UNC93A: variants seen among roughly 807,000 people sequenced by gnomAD.
UNC93A encodes the protein N-acetylglucosamine transporter UNC93A.
A neutral mutation model predicts 47.5 loss-of-function variants in UNC93A; 43 were observed. The observed-to-expected ratio is 0.91, with a 90% CI of 0.71 to 1.17. The LOEUF is 1.17. Among genes scored for constraint, UNC93A ranks in the 50% most tolerant of loss-of-function variants. The pLI is 0.00. For synonymous variants in UNC93A, 280 were observed against 258.0 expected, an observed-to-expected ratio of 1.09 and a Z score of -0.82; for missense variants, 605 against 577.6, an observed-to-expected ratio of 1.05 and a Z score of -0.49.
In UNC93A at chr6:167,315,929, CA is replaced by C. The variant is rs1468166898; in HGVS notation, c.*478del. The C allele has an allele frequency of 3.2e-5, 5 of 158,540 alleles. No homozygotes were observed. Among genetic ancestry groups the C allele is most frequent in the African/African-American group, 1.3e-4 (5 of 37,114 alleles). 9.8% of individuals were successfully genotyped at this position (158,540 alleles called of 1,614,324 possible). The stretch of plus-strand genomic sequence containing the variant: ...GTCAGCTGACTCAACCTCACAGAGT[CA>C]GGGGGTGACAAAGCCAGACTGGGGC... On this transcript the variant is annotated 3_prime_UTR_variant, in exon 8 of 8. Transcript: ENST00000230256.
At chr6:167,293,439 G>A (rs974157083) in intron 1 of UNC93A, among the ~76,000 whole-genome samples, 18 of 152,282 alleles carry the variant, frequency 1.2e-4, no homozygotes, top group East Asian at 1.9e-4. Context: ...TTGAGCATGC[G>A]GACGTGCTTT....
chr6:167,306,849 C>T (rs931653200), intron 6 of UNC93A, among the ~76,000 whole-genome samples: 1 of 152,186 alleles, frequency 6.6e-6, no homozygotes, highest in Non-Finnish European at 1.5e-5. Context: ...TGACAGAGAC[C>T]CTGCTCTTCC....
intron 4 of UNC93A, among the ~76,000 whole-genome samples, chr6:167,298,806 T>C (rs1392862302): frequency 1.3e-5 from 2 of 152,134 alleles, no homozygotes; most frequent in Non-Finnish European, 2.9e-5. Flanking sequence ...AACCATTTTG[T>C]AAATAATTTA....
intron 2 of UNC93A, among the ~76,000 whole-genome samples, chr6:167,295,727 T>TCGTGCTCCTCACCTG: frequency 2.1e-5 from 1 of 47,876 alleles, no homozygotes; most frequent in East Asian, 7.7e-4. Flanking sequence ...CTCCTCGCCT[T>TCGTGCTCCTCACCTG]CCTCGTGCTC....
chr6:167,281,612 G>A (rs115879268), intron 1 of UNC93A, among the ~76,000 whole-genome samples: 2 of 152,130 alleles, frequency 1.3e-5, no homozygotes, highest in Non-Finnish European at 2.9e-5. Flanking sequence ...TTTTTACAAC[G>A]TAGCCTGTGT....
At position 167,305,911 on chromosome 6, in the gene UNC93A, C is replaced by A. The variant is rs6916435; in HGVS notation, c.841-4C>A. 3.7e-6 allele frequency: 6 copies of A among 1,614,052 alleles called. No individual in the cohort carries two copies. The African/African-American group carries it at 5.3e-5, about 14-fold the overall frequency. ...ATGACGTGGCTCTGCACCCCTCTCC[C>A]CAGTCCTATGTCACCTGCACCCTGG... is the stretch of plus-strand genomic sequence containing the variant. On this transcript the variant is annotated splice_region_variant and splice_polypyrimidine_tract_variant and intron_variant, in intron 5 of 7. Coordinates refer to ENST00000230256, the MANE Select transcript of UNC93A (RefSeq NM_018974.4).
chr6:167,306,119 A>G (rs1778384323), intron 6 of UNC93A, 69 bp downstream of exon 6: 2 of 1,598,194 alleles, frequency 1.3e-6, no homozygotes, highest in Admixed American at 1.7e-5. Flanking sequence ...CACAGCTCAC[A>G]GTCAGGACAG....
intron 7 of UNC93A, 74 bp downstream of exon 7, chr6:167,307,984 A>C (rs1032556720): frequency 6.3e-7 from 1 of 1,577,644 alleles, no homozygotes; most frequent in Non-Finnish European, 8.6e-7. Flanking sequence ...TGTGGGGCTC[A>C]TTAGATGCCA....
intron 6 of UNC93A, among the ~76,000 whole-genome samples, chr6:167,306,867 C>T (rs1222007990): frequency 1.3e-5 from 2 of 152,170 alleles, no homozygotes; most frequent in East Asian, 1.9e-4. Context: ...TCCTCTGTGG[C>T]GTCTTGAGCG....
intron 7 of UNC93A, among the ~76,000 whole-genome samples, chr6:167,309,228 TGCGG>T (rs1172018187): frequency 2.6e-5 from 4 of 152,198 alleles, no homozygotes; most frequent in Non-Finnish European, 5.9e-5. Flanking sequence ...AGGTGCTTTG[TGCGG>T]GCTGGCTGTG....
chr6:167,295,966 C>A (rs1196850421), intron 2 of UNC93A, 66 bp from the exon 3 acceptor site: 4 of 1,471,770 alleles, frequency 2.7e-6, no homozygotes, highest in Admixed American at 3.5e-5. Flanking sequence ...TAAAGAACTG[C>A]AGGGACATGG....
At chr6:167,294,258 C>T (rs1471566754) in intron 1 of UNC93A, among the ~76,000 whole-genome samples, 1 of 152,208 alleles carries the variant, frequency 6.6e-6, no homozygotes, top group Non-Finnish European at 1.5e-5. Context: ...CTCTCACAGC[C>T]ATCCAGCCCC....
intron 1 of UNC93A, among the ~76,000 whole-genome samples, chr6:167,292,757 T>C (rs982084283): frequency 4.6e-5 from 7 of 152,168 alleles, no homozygotes; most frequent in Non-Finnish European, 8.8e-5. Flanking sequence ...TGAGTGCATG[T>C]TGAATGTGGT....
chr6:167,313,934 C>G lies in UNC93A; in HGVS notation c.1109-1253C>G, dbSNP rs1373003242. On this transcript the variant is annotated intron_variant, in intron 7 of 7. Coordinates refer to ENST00000230256, the MANE Select transcript of UNC93A (RefSeq NM_018974.4). ...TACTTTTATTAAGGTGGACAATGTG[C>G]AGACTGTGGGACAAGAAGGGTGCCT... Among the ~76,000 whole-genome samples the G allele has an allele frequency of 1.6e-4, 25 of 152,156 alleles. 1 individual carries two copies. Among genetic ancestry groups the G allele is most frequent in the Admixed American group, 1.6e-3 (24 of 15,280 alleles).
chr6:167,307,646 TGGTTGAGAC>T (rs1489722570), intron 6 of UNC93A, 124 bp from the exon 7 acceptor site: 15 of 1,102,856 alleles, frequency 1.4e-5, no homozygotes, highest in African/African-American at 3.1e-5. Flanking sequence ...ATGGTTGAGA[TGGTTGAGAC>T]GGTTCCAGAG....
At chr6:167,284,282 T>C (rs1423467901) in intron 1 of UNC93A, among the ~76,000 whole-genome samples, 1 of 151,772 alleles carries the variant, frequency 6.6e-6, no homozygotes, top group Non-Finnish European at 1.5e-5. Flanking sequence ...ACATTTTTCT[T>C]CATAGACCAC....
intron 1 of UNC93A, among the ~76,000 whole-genome samples, chr6:167,278,865 C>T (rs1160554922): frequency 2.6e-5 from 4 of 152,228 alleles, no homozygotes; most frequent in Admixed American, 6.5e-5. Context: ...GAATCATCTA[C>T]ACGGATGTCA....
chr6:167,287,565 C>G (rs1783759444), upstream of UNC93A, among the ~76,000 whole-genome samples: 1 of 152,174 alleles, frequency 6.6e-6, no homozygotes, highest in East Asian at 1.9e-4. Flanking sequence ...GGAAGGATGC[C>G]TGGCCCAGGG....
chr6:167,308,057 G>A (rs9457296), intron 7 of UNC93A, 147 bp downstream of exon 7: 84,866 of 1,145,034 alleles, frequency 0.074, 3,592 homozygotes, highest in African/African-American at 0.11. Flanking sequence ...CTTTGATGTC[G>A]CCTCTGAGTC....
Sources: allele counts gnomAD v4.1 joint callset (sites outside exome capture counted in the v4.1 genomes callset), GRCh38; gene constraint gnomAD v4.1.1; transcripts MANE v1.5; gene names NCBI Gene and HGNC (gene_info 2026-07-23, HGNC 2026-07-21).